ENAH: variants seen among roughly 807,000 people sequenced by gnomAD.
ENAH encodes the protein ENAH actin regulator.
A neutral mutation model predicts 78.7 loss-of-function variants in ENAH; 23 were observed. The observed-to-expected ratio is 0.29, with a 90% CI of 0.21 to 0.41. ENAH has a LOEUF of 0.41. ENAH is among the 10% of genes least tolerant of loss of function. The probability of loss-of-function intolerance (pLI) is 1.00; values close to 1 mark genes in which losing one functional copy is unlikely to be tolerated. For missense variants in ENAH, 544 were observed against 691.0 expected, an observed-to-expected ratio of 0.79 and a Z score of 2.39; for synonymous variants, 226 against 241.0, an observed-to-expected ratio of 0.94 and a Z score of 0.58.
At chr1:225,634,871 CTCTGT>C (rs1401928883) in intron 1 of ENAH, among the ~76,000 whole-genome samples, 1 of 152,166 alleles carries the variant, frequency 6.6e-6, no homozygotes, top group Non-Finnish European at 1.5e-5. Context: ...TCTCCTCCAA[CTCTGT>C]TCTTTCTCAA....
At chr1:225,626,351 G>A (rs1180223122) in intron 1 of ENAH, among the ~76,000 whole-genome samples, 1 of 152,246 alleles carries the variant, frequency 6.6e-6, no homozygotes, top group Admixed American at 6.5e-5. Context: ...CAGTTTGAAT[G>A]TATGTGTCTC....
At chr1:225,567,163 T>G in intron 2 of ENAH, 86 bp downstream of exon 2, 1 of 1,462,058 alleles carries the variant, frequency 6.8e-7, no homozygotes, top group South Asian at 1.3e-5. Context: ...TTGATTACAG[T>G]TTTAAAACTA....
intron 2 of ENAH, among the ~76,000 whole-genome samples, chr1:225,565,885 G>C (rs1292444562): frequency 7.2e-5 from 11 of 152,154 alleles, no homozygotes; most frequent in Admixed American, 7.2e-4. Flanking sequence ...GGGCACAGGG[G>C]AGAGACAGAC....
chr1:225,576,673 A>G (rs1036912020), intron 1 of ENAH, among the ~76,000 whole-genome samples: 17 of 152,216 alleles, frequency 1.1e-4, no homozygotes, highest in Non-Finnish European at 2.1e-4. Context: ...AACAGAGACT[A>G]GAGTATTTAA....
In ENAH at chr1:225,591,764, C is replaced by CAAAA. The variant is rs55680042; in HGVS notation, c.6-24354_6-24351dup. Reference sequence around the variant, plus strand: ...TGGGCGACAGAGACAGACTCCGTCTCAAAAAAAAAAAAAAAAAAAAAAAAA... The same window carrying CAAAA: ...TGGGCGACAGAGACAGACTCCGTCTCAAAAAAAAAAAAAAAAAAAAAAAAAAAAA... On this transcript the variant is annotated intron_variant, in intron 1 of 13. Transcript: ENST00000366843. Among the ~76,000 whole-genome samples, 30 of 39,494 alleles carry CAAAA rather than the reference C, an allele frequency of 7.6e-4. 1 individual carries two copies. Among genetic ancestry groups the CAAAA allele is most frequent in the African/African-American group, 1.7e-3 (26 of 15,224 alleles). 25.9% of individuals were successfully genotyped at this position (39,494 alleles called of 152,430 possible).
chr1:225,514,900 C>T lies in ENAH; in HGVS notation c.914G>A (p.Gly305Asp). ...SQPAETPSQQ[G>D]IVLGPLAPPP... ...AGGTGCAAGTGGTCCCAAGACAATG[C>T]CTGAGAGAGAGAAATGTTAAGTAAG... Residue 305 changes from glycine (G) to aspartate (D), a missense_variant and splice_region_variant, in exon 7 of 14, where the codon GGC (glycine) becomes GAC (aspartate). Coordinates refer to ENST00000366843, the MANE Select transcript of ENAH (RefSeq NM_018212.6). 1 of 1,609,720 alleles carries T rather than the reference C, an allele frequency of 6.2e-7. No individual in the cohort carries two copies. Among genetic ancestry groups the T allele is most frequent in the Non-Finnish European group, 8.5e-7 (1 of 1,178,430 alleles).
intron 4 of ENAH, among the ~76,000 whole-genome samples, chr1:225,530,088 G>A (rs937837296): frequency 6.6e-6 from 1 of 152,188 alleles, no homozygotes; most frequent in Non-Finnish European, 1.5e-5. Flanking sequence ...TCCTAGTCAT[G>A]GAAGAATGCT....
intron 8 of ENAH, 28 bp downstream of exon 8, chr1:225,512,843 G>T: frequency 1.2e-6 from 2 of 1,611,314 alleles, no homozygotes; most frequent in Non-Finnish European, 1.7e-6. Flanking sequence ...TCAATTCTGG[G>T]CATGTCCATT....
chr1:225,592,438 C>CA (rs2096881605), intron 1 of ENAH, among the ~76,000 whole-genome samples: 1 of 152,194 alleles, frequency 6.6e-6, no homozygotes, highest in African/African-American at 2.4e-5. Flanking sequence ...CCTGGATACT[C>CA]ATTTTATGTG....
intron 3 of ENAH, among the ~76,000 whole-genome samples, chr1:225,539,649 C>T (rs2096579679): frequency 6.6e-6 from 1 of 152,192 alleles, no homozygotes; most frequent in Non-Finnish European, 1.5e-5. Context: ...ATACCAAAAT[C>T]CAGTGCTTGC....
intron 2 of ENAH, among the ~76,000 whole-genome samples, chr1:225,558,627 CTTTTTTTTTTTTT>C (rs71170091): frequency 1.4e-5 from 1 of 69,218 alleles, no homozygotes; most frequent in East Asian, 5.1e-4. Context: ...TAATTTCTGC[CTTTTTTTTTTTTT>C]TTTTTTTTTT....
intron 7 of ENAH, 147 bp from the exon 8 acceptor site, chr1:225,513,163 CT>C: frequency 1.5e-6 from 1 of 655,070 alleles, no homozygotes; most frequent in Non-Finnish European, 2.4e-6. Context: ...CCAATAGATT[CT>C]TAGCATGACT....
At chr1:225,564,528 CAG>C (rs1440018457) in intron 2 of ENAH, among the ~76,000 whole-genome samples, 1 of 150,506 alleles carries the variant, frequency 6.6e-6, no homozygotes, top group Non-Finnish European at 1.5e-5. Flanking sequence ...CTCCAGACCT[CAG>C]GTGATCCACC....
intron 1 of ENAH, among the ~76,000 whole-genome samples, chr1:225,619,092 T>TACAC (rs373789317): frequency 3.6e-3 from 536 of 150,224 alleles, no homozygotes; most frequent in Non-Finnish European, 5.2e-3. Context: ...TACAACCCAG[T>TACAC]ACACACACAC....
At chr1:225,605,398 T>C (rs750806177) in intron 1 of ENAH, among the ~76,000 whole-genome samples, 13 of 152,174 alleles carry the variant, frequency 8.5e-5, no homozygotes, top group African/African-American at 1.9e-4. Context: ...CATTCTGTGA[T>C]GTACAGTTAC....
chr1:225,652,733 A>G lies in ENAH; in HGVS notation c.-43T>C. 2.3e-6 allele frequency: 3 copies of G among 1,315,602 alleles called. No individual in the cohort carries two copies. In the Admixed American group the frequency reaches 1.1e-4, roughly 49 times the overall value. The allele number at this position is 1,315,602 out of a possible 1,614,324, so 81.5% of individuals were successfully genotyped here. A position where few individuals can be genotyped will look rare whatever the true frequency, so the allele number is the denominator to read the frequency against. On this transcript the variant is annotated 5_prime_UTR_variant, in exon 1 of 14. Coordinates refer to ENST00000366843, the MANE Select transcript of ENAH (RefSeq NM_018212.6). ...GGCTTCCCCACCAGCCGGGAGACGC[A>G]GAAGGCGCCGAGCCGAGGGGGGGGT...
intron 4 of ENAH, among the ~76,000 whole-genome samples, chr1:225,525,668 G>A (rs959882723): frequency 2.0e-5 from 3 of 152,156 alleles, no homozygotes; most frequent in African/African-American, 7.2e-5. Flanking sequence ...GCTGTCATGG[G>A]TTCATCATTC....
At chr1:225,589,315 T>A (rs1206121412) in intron 1 of ENAH, among the ~76,000 whole-genome samples, 1 of 152,088 alleles carries the variant, frequency 6.6e-6, no homozygotes, top group African/African-American at 2.4e-5. Flanking sequence ...AAGGAAAAAA[T>A]ATATATAAGC....
At chr1:225,498,446 T>G (rs1472799881) in intron 12 of ENAH, 42 bp from the exon 13 acceptor site, 1 of 1,248,046 alleles carries the variant, frequency 8.0e-7, no homozygotes, top group Non-Finnish European at 1.2e-6. Context: ...AGAACAAAAT[T>G]ACCACTAAAG....
Sources: gnomAD v4.1 joint callset for allele counts (sites outside exome capture counted in the v4.1 genomes callset) on GRCh38, gnomAD v4.1.1 for gene constraint, MANE v1.5 for transcripts, NCBI Gene and HGNC (gene_info 2026-07-23, HGNC 2026-07-21) for gene names.